PCDHGC3: variants seen among roughly 807,000 people sequenced by gnomAD.
PCDHGC3 encodes protocadherin gamma subfamily C, 3.
In PCDHGC3, 26 loss-of-function variants were observed where a neutral mutation model predicts 59.2. The ratio of observed to expected loss-of-function variants is 0.44; its 90% confidence interval spans 0.32 to 0.61. The LOEUF is 0.61. PCDHGC3 is among the 20% of genes least tolerant of loss of function. The pLI is 0.05. For synonymous variants in PCDHGC3, 487 were observed against 519.7 expected, an observed-to-expected ratio of 0.94 and a Z score of 0.86; for missense variants, 1,080 against 1,221.8, an observed-to-expected ratio of 0.88 and a Z score of 1.73.
chr5:141,484,930 G>A (rs992641330), intron 1 of PCDHGC3: 2 of 501,452 alleles, frequency 4.0e-6, no homozygotes, highest in South Asian at 2.6e-5. Flanking sequence ...CTGCTGTTGG[G>A]ACGTTCTCTG....
chr5:141,507,570 G>A (rs562674847), intron 3 of PCDHGC3, among the ~76,000 whole-genome samples: 1 of 152,366 alleles, frequency 6.6e-6, no homozygotes, highest in South Asian at 2.1e-4. Flanking sequence ...CTGGGTCTGA[G>A]GAGATGCCAA....
At chr5:141,481,963 TA>T (rs1158466251) in intron 1 of PCDHGC3, among the ~76,000 whole-genome samples, 1 of 148,746 alleles carries the variant, frequency 6.7e-6, no homozygotes, top group Non-Finnish European at 1.5e-5. Context: ...CAGGTGCCTG[TA>T]GTCACAGCTA....
chr5:141,492,873 C>G (rs2099744714), intron 1 of PCDHGC3, among the ~76,000 whole-genome samples: 1 of 152,182 alleles, frequency 6.6e-6, no homozygotes, highest in Non-Finnish European at 1.5e-5. Context: ...CTCTCAACCC[C>G]CAGAGATACA....
At chr5:141,506,444 CAAA>C (rs1219684339) in intron 3 of PCDHGC3, among the ~76,000 whole-genome samples, 12 of 95,004 alleles carry the variant, frequency 1.3e-4, no homozygotes, top group Admixed American at 3.3e-4. Context: ...CGCTCTGTCT[CAAA>C]AAAAAAAAAA....
At chr5:141,480,625 G>A (rs1041569361) in intron 1 of PCDHGC3, among the ~76,000 whole-genome samples, 2 of 152,070 alleles carry the variant, frequency 1.3e-5, no homozygotes, top group Non-Finnish European at 2.9e-5. Flanking sequence ...ATTTTCCCTA[G>A]AACAATGTTT....
Position 141,476,641 on chromosome 5 carries a change from C to A in PCDHGC3, c.525C>A (p.Ser175Arg), listed in dbSNP as rs1183948220. The A allele has an allele frequency of 1.2e-6, 2 of 1,614,256 alleles. No homozygotes were observed. The highest frequency in any genetic ancestry group is 1.7e-5 in the Admixed American group (1 of 60,030). Residue 175 changes from serine to arginine, a missense_variant, in exon 1 of 4, where the codon AGC (serine) becomes AGA (arginine). Transcript: ENST00000308177. This position sits in a 1 kb window ranked among gnomAD's most constrained non-coding sequence, Gnocchi z 7.6. ...ACTCTTTACAAACCTATGAGCTGAG[C>A]CGAAATGAATACTTTGCGCTTCGCG... is the stretch of plus-strand genomic sequence containing the variant. ...GSNSLQTYEL[S>R]RNEYFALRVQ...
chr5:141,506,253 G>A (rs1332023284), intron 3 of PCDHGC3, among the ~76,000 whole-genome samples: 2 of 151,862 alleles, frequency 1.3e-5, no homozygotes, highest in Non-Finnish European at 2.9e-5. Flanking sequence ...GTTCGAAACC[G>A]GCCTGGCCAA....
At position 141,477,891 on chromosome 5, in the gene PCDHGC3, G is replaced by A. The variant is rs750359063; in HGVS notation, c.1775G>A (p.Arg592Gln). 130 of 1,614,066 alleles carry A rather than the reference G, an allele frequency of 8.1e-5. 1 individual carries two copies. The highest frequency in any genetic ancestry group is 1.1e-4 in the Non-Finnish European group (125 of 1,180,050). The change falls in exon 1 of 4, where the codon CGG becomes CAG. Residue 592 changes from arginine to glutamine, a missense_variant. Coordinates refer to ENST00000308177, the MANE Select transcript of PCDHGC3 (RefSeq NM_002588.4). The surrounding 1 kb of genome is among the most constrained non-coding windows in gnomAD (Gnocchi z 4.9). The stretch of plus-strand genomic sequence containing the variant: ...ACCTCAGCTGGCCACCTAGTGTCAC[G>A]GGTGGTAGGCTGGGACGCGGATGCA... The part of the protein sequence containing the change: ...RGTSAGHLVS[R>Q]VVGWDADAGH...
At chr5:141,479,084 G>A (rs749298402) in intron 1 of PCDHGC3, among the ~76,000 whole-genome samples, 19 of 152,016 alleles carry the variant, frequency 1.2e-4, no homozygotes, top group Non-Finnish European at 1.9e-4. Flanking sequence ...GAAATTCCAG[G>A]CATCCTTTAA....
rs1014896576 is a variant in PCDHGC3, at chr5:141,512,427, C to T, written c.*1254C>T. 6.5e-6 allele frequency: 1 copy of T among 152,788 alleles called. No individual in the cohort carries two copies. Among genetic ancestry groups the T allele is most frequent in the African/African-American group, 2.4e-5 (1 of 41,460 alleles). The allele number at this position is 152,788 out of a possible 1,614,324, so 9.5% of individuals were successfully genotyped here. A position where few individuals can be genotyped will look rare whatever the true frequency, so the allele number is the denominator to read the frequency against. On this transcript the variant is annotated 3_prime_UTR_variant, in exon 4 of 4. Transcript: ENST00000308177. ...GGGCTTCTTCAACAGGGCCCCTGCC[C>T]TCCTGAAGCCTCAGTCCTTCACCTT...
Position 141,477,032 on chromosome 5 carries a change from A to G in PCDHGC3, c.916A>G (p.Ile306Val), listed in dbSNP as rs1026169829. 2 of 1,614,134 alleles carry G rather than the reference A, an allele frequency of 1.2e-6. No homozygotes were observed. Among genetic ancestry groups the G allele is most frequent in the Non-Finnish European group, 1.7e-6 (2 of 1,180,044 alleles). ...AGACCTTGTAACCGGGATGCTGACA[A>G]TCAAGGGTCGGCTGGACTTCGAGGA... ...ALDLVTGMLTIKGRLDFEDTK... is the reference protein window; with the variant it reads ...ALDLVTGMLTVKGRLDFEDTK... Residue 306 changes from isoleucine to valine, a missense_variant, in exon 1 of 4, where the codon ATC (isoleucine) becomes GTC (valine). Transcript: ENST00000308177. This position sits in a 1 kb window ranked among gnomAD's most constrained non-coding sequence, Gnocchi z 4.9.
Position 141,477,148 on chromosome 5 carries a change from T to A in PCDHGC3, c.1032T>A (p.Asp344Glu). 1 of 1,614,172 alleles carries A rather than the reference T, an allele frequency of 6.2e-7. No individual in the cohort carries two copies. Among genetic ancestry groups the A allele is most frequent in the African/African-American group, 1.3e-5 (1 of 75,050 alleles). Residue 344 changes from aspartate to glutamate, a missense_variant, in exon 1 of 4, where the codon GAT becomes GAA. Physicochemically the swap from Asp to Glu is conservative, Grantham distance 45 (BLOSUM62 2). Transcript: ENST00000308177. This position sits in a 1 kb window ranked among gnomAD's most constrained non-coding sequence, Gnocchi z 4.9. ...AHCKVLVEVV[D>E]VNDNAPEITV... ...GCAAAGTGTTGGTGGAGGTTGTGGA[T>A]GTGAATGACAACGCCCCGGAGATCA...
At chr5:141,498,318 G>T (rs927950671) in intron 2 of PCDHGC3, among the ~76,000 whole-genome samples, 2 of 151,792 alleles carry the variant, frequency 1.3e-5, no homozygotes, top group African/African-American at 4.8e-5. Flanking sequence ...TGCCTACACA[G>T]AAGGAAGAGC....
chr5:141,489,191 T>C lies in PCDHGC3; in HGVS notation c.2431-5616T>C. On this transcript the variant is annotated intron_variant, in intron 1 of 3. Coordinates refer to ENST00000308177, the MANE Select transcript of PCDHGC3 (RefSeq NM_002588.4). The surrounding 1 kb of genome is among the most constrained non-coding windows in gnomAD (Gnocchi z 4.5). ...CTGCATTCCAAGCCCTGGGTCTACC[T>C]TGGAGACAGGACAGCACAGACTTAC... The C allele has an allele frequency of 7.3e-7, 1 of 1,364,400 alleles. No homozygotes were observed. Among genetic ancestry groups the C allele is most frequent in the Middle Eastern group, 1.9e-4 (1 of 5,334 alleles). The allele number at this position is 1,364,400 out of a possible 1,614,324, so 84.5% of individuals were successfully genotyped here. A position where few individuals can be genotyped will look rare whatever the true frequency, so the allele number is the denominator to read the frequency against.
At position 141,491,489 on chromosome 5, in the gene PCDHGC3, A is replaced by T; in HGVS notation, c.2431-3318A>T. 1.2e-6 allele frequency: 2 copies of T among 1,614,130 alleles called. No individual in the cohort carries two copies. Among genetic ancestry groups the T allele is most frequent in the Non-Finnish European group, 1.7e-6 (2 of 1,180,018 alleles). On this transcript the variant is annotated intron_variant, in intron 1 of 3. Coordinates refer to ENST00000308177, the MANE Select transcript of PCDHGC3 (RefSeq NM_002588.4). This position sits in a 1 kb window ranked among gnomAD's most constrained non-coding sequence, Gnocchi z 6.9. ...TATAAGCAGTCCAGCCCCAACCTGC[A>T]GGTGAGCTCGGACGGCACGCTCAAG... is the stretch of plus-strand genomic sequence containing the variant.
rs765185360 is a variant in PCDHGC3, at chr5:141,491,451, C to T, written c.2431-3356C>T. 1.2e-6 allele frequency: 2 copies of T among 1,614,112 alleles called. No individual in the cohort carries two copies. The highest frequency in any genetic ancestry group is 1.1e-5 in the South Asian group (1 of 91,082). On this transcript the variant is annotated intron_variant, in intron 1 of 3. Coordinates refer to ENST00000308177, the MANE Select transcript of PCDHGC3 (RefSeq NM_002588.4). This position sits in a 1 kb window ranked among gnomAD's most constrained non-coding sequence, Gnocchi z 6.9. ...AGTGCTGCAGGCGCCAGGACTCACC[C>T]TCCCCGGACTTCTATAAGCAGTCCA...
At chr5:141,494,922 C>T (rs1401836511) in intron 2 of PCDHGC3, 57 bp downstream of exon 2, 23 of 1,613,670 alleles carry the variant, frequency 1.4e-5, no homozygotes, top group Non-Finnish European at 1.9e-5. Flanking sequence ...TCAGGGATGA[C>T]GTGGGAGGAG....
intron 1 of PCDHGC3, among the ~76,000 whole-genome samples, chr5:141,483,525 A>G (rs1442825090): frequency 1.3e-5 from 2 of 152,126 alleles, no homozygotes; most frequent in African/African-American, 4.8e-5. Context: ...ATCCTGACTA[A>G]GGAAGCTGGG....
chr5:141,481,229 A>G (rs989963485), intron 1 of PCDHGC3, among the ~76,000 whole-genome samples: 5 of 152,212 alleles, frequency 3.3e-5, no homozygotes, highest in African/African-American at 4.8e-5. Context: ...TCCCAGCCTT[A>G]AAGTATTACA....
Sources: allele counts gnomAD v4.1 joint callset (sites outside exome capture counted in the v4.1 genomes callset), GRCh38; gene constraint gnomAD v4.1.1; non-coding constraint Gnocchi (gnomAD v3.1); transcripts MANE v1.5; gene names NCBI Gene and HGNC (gene_info 2026-07-23, HGNC 2026-07-21).